Variants in SRSF7 observed in about 807,000 individuals in gnomAD.
SRSF7 encodes serine/arginine-rich splicing factor 7.
SRSF7 carries 15 observed loss-of-function variants against 42.2 expected under a neutral mutation model. That is an observed-to-expected ratio of 0.36 (90% CI 0.24 to 0.55). SRSF7 has a LOEUF of 0.55. Ranked by LOEUF, SRSF7 falls within the 20% of genes least tolerant of loss-of-function variation. SRSF7 has a pLI of 0.88. For synonymous variants in SRSF7, 138 were observed against 107.9 expected (o/e 1.28, Z -1.73); for missense variants, 181 against 305.9 (o/e 0.59, Z 3.04).
chr2:38,750,332 G>A (rs1668100740), intron 1 of SRSF7, 138 bp from the exon 2 acceptor site: 2 of 682,154 alleles, frequency 2.9e-6, no homozygotes, highest in South Asian at 2.3e-5. Flanking sequence ...ACAAAACTTA[G>A]TCGTAAAACT....
intron 5 of SRSF7, chr2:38,747,124 C>G (rs1334093773): frequency 4.2e-6 from 2 of 477,624 alleles, no homozygotes; most frequent in South Asian, 1.5e-5. Context: ...CCCAGCTACT[C>G]AGGAGGCTAA....
chr2:38,748,784 C>G, intron 3 of SRSF7, 131 bp from the exon 4 acceptor site: 7 of 1,226,906 alleles, frequency 5.7e-6, no homozygotes, highest in Non-Finnish European at 7.9e-6. Context: ...AACTCTGGGC[C>G]TATTAGTTGT....
At position 38,751,357 on chromosome 2, in the gene SRSF7, A is replaced by C; in HGVS notation, c.-101T>G. The C allele has an allele frequency of 1.3e-6, 2 of 1,542,596 alleles. No homozygotes were observed. Among genetic ancestry groups the C allele is most frequent in the East Asian group, 4.5e-5 (2 of 44,206 alleles). On this transcript the variant is annotated 5_prime_UTR_variant, in exon 1 of 8. Transcript: ENST00000313117. ...TTCACCCGCCAAGAGTCCCGGCGGC[A>C]CTACGAGGAAGAGCCCGGGTTCGCG...
At position 38,750,130 on chromosome 2, in the gene SRSF7, G is replaced by A; in HGVS notation, c.93C>T (p.Phe31=). Residue 31 remains phenylalanine, a synonymous_variant, in exon 2 of 8, where the codon TTC becomes TTT. Coordinates refer to ENST00000313117, the MANE Select transcript of SRSF7 (RefSeq NM_001031684.3). ...CAGTTCTTAAAGGACCATAATAACT[G>A]AAAGCCCTTTCTAACTCTCCTTTGC... ...GAGKGELERA[F]SYYGPLRTVW... 1.2e-6 allele frequency: 2 copies of A among 1,613,206 alleles called. No homozygotes were observed. Among genetic ancestry groups the A allele is most frequent in the Non-Finnish European group, 1.7e-6 (2 of 1,179,666 alleles).
At position 38,748,593 on chromosome 2, in the gene SRSF7, C is replaced by G; in HGVS notation, c.447G>C (p.Arg149Ser). Residue 149 changes from arginine to serine, a missense_variant, in exon 4 of 8, where the codon AGG becomes AGC. By Grantham distance (110) the Arg-to-Ser change is moderately radical. Coordinates refer to ENST00000313117, the MANE Select transcript of SRSF7 (RefSeq NM_001031684.3). The part of the protein sequence containing the change: ...RGRRYSRSRS[R>S]SRGRRSRSAS... ...CAAGATCTCACCTTCGTCCCCTGCT[C>G]CTGCTGCGTGAGCGAGAGTATCGCC... 6.2e-7 allele frequency: 1 copy of G among 1,614,162 alleles called. No homozygotes were observed. Among genetic ancestry groups the G allele is most frequent in the Non-Finnish European group, 8.5e-7 (1 of 1,180,014 alleles).
Position 38,751,341 on chromosome 2 carries a change from C to G in SRSF7, c.-85G>C. ...AAAGCTGACACACACCTTCACCCGCCAAGAGTCCCGGCGGCACTACGAGGA... is the reference window on the plus strand; with the variant it reads ...AAAGCTGACACACACCTTCACCCGCGAAGAGTCCCGGCGGCACTACGAGGA... On this transcript the variant is annotated 5_prime_UTR_variant, in exon 1 of 8. Coordinates refer to ENST00000313117, the MANE Select transcript of SRSF7 (RefSeq NM_001031684.3). 5 of 1,593,234 alleles carry G rather than the reference C, an allele frequency of 3.1e-6. No individual in the cohort carries two copies. Among genetic ancestry groups the G allele is most frequent in the South Asian group, 1.1e-5 (1 of 90,538 alleles).
At chr2:38,750,324 A>C in intron 1 of SRSF7, 130 bp from the exon 2 acceptor site, 1 of 738,172 alleles carries the variant, frequency 1.4e-6, no homozygotes, top group South Asian at 2.1e-5. Context: ...TATCCAAGAC[A>C]AAACTTAGTC....
Position 38,746,160 on chromosome 2 carries a change from G to C in SRSF7, c.646C>G (p.Pro216Ala). 6.2e-7 allele frequency: 1 copy of C among 1,614,084 alleles called. No homozygotes were observed. Among genetic ancestry groups the C allele is most frequent in the South Asian group, 1.1e-5 (1 of 91,078 alleles). The change falls in exon 7 of 8, where the codon CCA becomes GCA. Residue 216 changes from proline (P) to alanine (A), a missense_variant. Pro to Ala is a conservative substitution (Grantham distance 27). This residue lies in a region of SRSF7 where 136 missense variants were observed against 147.8 expected (regional missense o/e 0.92). Transcript: ENST00000313117. ...PRSSRSKSRSPSPKRSRSPSG... is the reference protein window; with the variant it reads ...PRSSRSKSRSASPKRSRSPSG... ...TTAGCTTACCTTCTTTTTGGAGATGGAGATCTGGACTTTGATCGGCTGTCA... is the reference window on the plus strand; with the variant it reads ...TTAGCTTACCTTCTTTTTGGAGATGCAGATCTGGACTTTGATCGGCTGTCA...
intron 4 of SRSF7, among the ~76,000 whole-genome samples, 157 bp downstream of exon 4, chr2:38,748,419 GATC>G (rs891588496): frequency 2.0e-5 from 3 of 152,138 alleles, no homozygotes; most frequent in Admixed American, 2.0e-4. Context: ...AAACCCAAGA[GATC>G]ATCAAGGCAG....
Position 38,743,986 on chromosome 2 carries a change from T to TCTTAAGATA in SRSF7, c.*1138_*1146dup. 4 of 152,082 alleles carry TCTTAAGATA rather than the reference T, an allele frequency of 2.6e-5. No homozygotes were observed. Among genetic ancestry groups the TCTTAAGATA allele is most frequent in the African/African-American group, 9.7e-5 (4 of 41,406 alleles). 9.4% of individuals were successfully genotyped at this position (152,082 alleles called of 1,614,324 possible). ...AAAGTAACTGTTACTGCCCTACTATTCTTAAGATACTTAAAATTTGAATAA... is the reference window on the plus strand; with the variant it reads ...AAAGTAACTGTTACTGCCCTACTATTCTTAAGATACTTAAGATACTTAAAATTTGAATAA... On this transcript the variant is annotated 3_prime_UTR_variant, in exon 8 of 8. Coordinates refer to ENST00000313117, the MANE Select transcript of SRSF7 (RefSeq NM_001031684.3).
chr2:38,749,736 G>A (rs766330479), intron 2 of SRSF7, 31 bp from the exon 3 acceptor site: 16 of 1,507,874 alleles, frequency 1.1e-5, no homozygotes, highest in Middle Eastern at 1.8e-4. Flanking sequence ...AAATTCTAAA[G>A]TTAAAAATAT....
Position 38,745,050 on chromosome 2 carries a change from T to C in SRSF7, c.*83A>G. The C allele has an allele frequency of 4.4e-6, 6 of 1,355,956 alleles. No individual in the cohort carries two copies. In the African/African-American group the frequency reaches 7.3e-5, roughly 16 times the overall value. 84.0% of individuals were successfully genotyped at this position (1,355,956 alleles called of 1,614,324 possible). A position where few individuals can be genotyped will look rare whatever the true frequency, so the allele number is the denominator to read the frequency against. Reference sequence around the variant, plus strand: ...GATTAGATGGTTGAATTATCTTTCCTAGGTTACACTTTACAGACATCACAA... The same window carrying C: ...GATTAGATGGTTGAATTATCTTTCCCAGGTTACACTTTACAGACATCACAA... On this transcript the variant is annotated 3_prime_UTR_variant, in exon 8 of 8. Transcript: ENST00000313117.
chr2:38,751,319 G>T lies in SRSF7; in HGVS notation c.-63C>A. ...CGCCCAGGGCTCGAGTGACGCAAAAGCTGACACACACCTTCACCCGCCAAG... is the reference window on the plus strand; with the variant it reads ...CGCCCAGGGCTCGAGTGACGCAAAATCTGACACACACCTTCACCCGCCAAG... On this transcript the variant is annotated 5_prime_UTR_variant, in exon 1 of 8. Coordinates refer to ENST00000313117, the MANE Select transcript of SRSF7 (RefSeq NM_001031684.3). The T allele has an allele frequency of 6.2e-7, 1 of 1,610,836 alleles. No homozygotes were observed. Among genetic ancestry groups the T allele is most frequent in the Non-Finnish European group, 8.5e-7 (1 of 1,177,756 alleles).
Position 38,751,108 on chromosome 2 carries a change from TG to T in SRSF7, c.28+120del, listed in dbSNP as rs1327882267. 1.3e-5 allele frequency: 17 copies of T among 1,334,362 alleles called. No individual in the cohort carries two copies. The Admixed American group carries it at 1.4e-4, about 11-fold the overall frequency. 82.7% of individuals were successfully genotyped at this position (1,334,362 alleles called of 1,614,324 possible). On this transcript the variant is annotated intron_variant, in intron 1 of 7. Transcript: ENST00000313117. ...CCGCTGCCTCCGGCTTCGTCTGGCG[TG>T]CTCCTAAGCCGCCATTACGCACGCG...
chr2:38,751,202 G>A (rs775536642), intron 1 of SRSF7, 27 bp downstream of exon 1: 2 of 1,613,828 alleles, frequency 1.2e-6, no homozygotes, highest in African/African-American at 1.3e-5. Flanking sequence ...CCACACCAAC[G>A]TCCCTCACCG....
intron 1 of SRSF7, chr2:38,750,937 G>C: frequency 2.6e-6 from 1 of 380,608 alleles, no homozygotes. Flanking sequence ...GGGGGAGGGG[G>C]GCCGGCGGGC....
chr2:38,751,265 A>G lies in SRSF7; in HGVS notation c.-9T>C. Reference sequence around the variant, plus strand: ...CGCCCGTAACGCGACATGATGACAGACCCGCGTGCTCGGCTCTTTAGCAAG... The same window carrying G: ...CGCCCGTAACGCGACATGATGACAGGCCCGCGTGCTCGGCTCTTTAGCAAG... On this transcript the variant is annotated 5_prime_UTR_variant, in exon 1 of 8. Coordinates refer to ENST00000313117, the MANE Select transcript of SRSF7 (RefSeq NM_001031684.3). 6.2e-7 allele frequency: 1 copy of G among 1,614,014 alleles called. No homozygotes were observed. The highest frequency in any genetic ancestry group is 8.5e-7 in the Non-Finnish European group (1 of 1,179,974).
At chr2:38,749,252 G>A (rs989479519) in intron 3 of SRSF7, 12 of 1,404,884 alleles carry the variant, frequency 8.5e-6, no homozygotes, top group African/African-American at 1.4e-5. Flanking sequence ...CAAGGTCTAG[G>A]AGGATCTTAA....
chr2:38,750,430 A>G (rs1668120964), intron 1 of SRSF7, among the ~76,000 whole-genome samples: 1 of 151,834 alleles, frequency 6.6e-6, no homozygotes. Flanking sequence ...CCCGAACACA[A>G]GCAGAAACGC....
Sources: gnomAD v4.1 joint callset for allele counts (sites outside exome capture counted in the v4.1 genomes callset) on GRCh38, gnomAD v4.1.1 for gene constraint, gnomAD v4.1.1 regional missense constraint, MANE v1.5 for transcripts, NCBI Gene and HGNC (gene_info 2026-07-23, HGNC 2026-07-21) for gene names.